The following PRICKLE1 variants were observed in gnomAD, a reference collection of about 807,000 sequenced individuals.
PRICKLE1 encodes prickle-like protein 1.
A neutral mutation model predicts 70.2 loss-of-function variants in PRICKLE1; 14 were observed. The observed-to-expected ratio is 0.20, with a 90% CI of 0.13 to 0.31. The LOEUF is 0.31. PRICKLE1 is among the 10% of genes least tolerant of loss of function. The probability of loss-of-function intolerance (pLI) is 1.00; values close to 1 mark genes in which losing one functional copy is unlikely to be tolerated. For synonymous variants in PRICKLE1, 357 were observed against 379.9 expected (o/e 0.94, Z 0.70); for missense variants, 821 against 1,026.2 (o/e 0.80, Z 2.73).
At chr12:42,532,769 C>T (rs911031494) in intron 1 of PRICKLE1, among the ~76,000 whole-genome samples, 51 of 151,822 alleles carry the variant, frequency 3.4e-4, no homozygotes, top group Admixed American at 7.9e-4. Flanking sequence ...CTGTGGCGGG[C>T]GCCTGTAGTC....
chr12:42,461,389 G>A (rs1937828439), intron 7 of PRICKLE1, among the ~76,000 whole-genome samples: 1 of 152,244 alleles, frequency 6.6e-6, no homozygotes, highest in Non-Finnish European at 1.5e-5. Flanking sequence ...TCTCCATCAT[G>A]AGCTAGTCTT....
At chr12:42,469,649 A>G in intron 3 of PRICKLE1, 62 bp from the exon 4 acceptor site, 1 of 1,607,058 alleles carries the variant, frequency 6.2e-7, no homozygotes, top group Non-Finnish European at 8.5e-7. Context: ...CCAGTTCTCT[A>G]CTTCCAGAGT....
chr12:42,460,279 G>C lies in PRICKLE1; in HGVS notation c.2026C>G (p.Arg676Gly). 2.5e-6 allele frequency: 4 copies of C among 1,614,120 alleles called. No individual in the cohort carries two copies. The highest frequency in any genetic ancestry group is 2.2e-5 in the South Asian group (2 of 91,074). The change falls in exon 8 of 8, where the codon CGG (arginine) becomes GGG (glycine). Residue 676 changes from arginine to glycine, a missense_variant. Physicochemically the swap from Arg to Gly is moderately radical, Grantham distance 125. Transcript: ENST00000345127. ...TCGGAGCGGGACTTTCTACTTCTCCGGCGGCGGTGGTGATGAGACCTGGAT... is the reference window on the plus strand; with the variant it reads ...TCGGAGCGGGACTTTCTACTTCTCCCGCGGCGGTGGTGATGAGACCTGGAT... ...RGSRSHHHRRRRSRKSRSDNA... is the reference protein window; with the variant it reads ...RGSRSHHHRRGRSRKSRSDNA...
intron 1 of PRICKLE1, among the ~76,000 whole-genome samples, chr12:42,566,557 A>G (rs1940624182): frequency 6.6e-6 from 1 of 152,216 alleles, no homozygotes; most frequent in Non-Finnish European, 1.5e-5. Flanking sequence ...GACCACAGGG[A>G]TTCTCTCAAC....
At chr12:42,574,334 T>C (rs1158799701) in intron 1 of PRICKLE1, among the ~76,000 whole-genome samples, 1 of 152,220 alleles carries the variant, frequency 6.6e-6, no homozygotes, top group Non-Finnish European at 1.5e-5. Flanking sequence ...GATAATCTTG[T>C]GTTTGAGAAA....
At chr12:42,513,804 T>C (rs887618350) in intron 1 of PRICKLE1, among the ~76,000 whole-genome samples, 1 of 152,152 alleles carries the variant, frequency 6.6e-6, no homozygotes, top group Admixed American at 6.5e-5. Context: ...GAGACCAGCC[T>C]GGCCAACATG....
intron 1 of PRICKLE1, among the ~76,000 whole-genome samples, chr12:42,494,784 G>A (rs1044547022): frequency 1.3e-5 from 2 of 148,894 alleles, no homozygotes; most frequent in Non-Finnish European, 1.5e-5. Context: ...TCCAGCCTGG[G>A]TGACAGAGTG....
At chr12:42,466,139 T>C (rs529498334) in intron 6 of PRICKLE1, 55 bp downstream of exon 6, 1 of 1,579,910 alleles carries the variant, frequency 6.3e-7, no homozygotes, top group South Asian at 1.1e-5. Context: ...GACTGGATAA[T>C]CCAAGACAGA....
chr12:42,579,008 C>T (rs537836236), intron 1 of PRICKLE1, among the ~76,000 whole-genome samples: 170 of 152,252 alleles, frequency 1.1e-3, no homozygotes, highest in South Asian at 2.5e-3. Context: ...GGTGATCTGC[C>T]CACTTCGGCC....
chr12:42,513,558 G>A (rs1939554333), intron 1 of PRICKLE1, among the ~76,000 whole-genome samples: 1 of 149,800 alleles, frequency 6.7e-6, no homozygotes, highest in Non-Finnish European at 1.5e-5. Context: ...GCAAGATGCT[G>A]TTGGGCTGGA....
intron 1 of PRICKLE1, 41 bp from the exon 2 acceptor site, chr12:42,472,605 G>T: frequency 6.5e-7 from 1 of 1,531,066 alleles, no homozygotes; most frequent in Non-Finnish European, 9.0e-7. Flanking sequence ...TCTAAAACCT[G>T]AATGCATTTC....
chr12:42,506,241 G>GTTTTTTTTTTTTTTTTTT (rs774029085), intron 1 of PRICKLE1, among the ~76,000 whole-genome samples: 1 of 122,098 alleles, frequency 8.2e-6, no homozygotes, highest in African/African-American at 3.6e-5. Flanking sequence ...AGTAAAAAAT[G>GTTTTTTTTTTTTTTTTTT]TTCTTTTTTC....
In PRICKLE1 at chr12:42,477,526, A is replaced by G. The variant is rs1197465844; in HGVS notation, c.-48-4962T>C. Among the ~76,000 whole-genome samples, 608 of 75,982 alleles carry G rather than the reference A, an allele frequency of 8.0e-3. 10 individuals are homozygous for G. The highest frequency in any genetic ancestry group is 0.029 in the Middle Eastern group (3 of 102). The allele number at this position is 75,982 out of a possible 152,430, so 49.8% of individuals were successfully genotyped here. The stretch of plus-strand genomic sequence containing the variant: ...TATATATATATATATATATATATAT[A>G]TATATATGACCTCACAAATAACCCT... On this transcript the variant is annotated intron_variant, in intron 1 of 7. Transcript: ENST00000345127.
At chr12:42,568,260 T>C (rs1036326068) in intron 1 of PRICKLE1, among the ~76,000 whole-genome samples, 8 of 152,240 alleles carry the variant, frequency 5.3e-5, no homozygotes, top group African/African-American at 1.9e-4. Flanking sequence ...CTGCAGCCTC[T>C]GCCTTTCAGG....
intron 1 of PRICKLE1, among the ~76,000 whole-genome samples, chr12:42,549,144 A>AT (rs72521451): frequency 2.0e-5 from 3 of 148,698 alleles, no homozygotes; most frequent in Non-Finnish European, 4.5e-5. Flanking sequence ...AAAAAAAAAA[A>AT]CCTAGATAAA....
At chr12:42,469,725 GAC>G in intron 3 of PRICKLE1, 138 bp from the exon 4 acceptor site, 1 of 1,042,736 alleles carries the variant, frequency 9.6e-7, no homozygotes, top group Non-Finnish European at 1.4e-6. Flanking sequence ...ATTTTAAAAT[GAC>G]ACCATATCTG....
intron 1 of PRICKLE1, among the ~76,000 whole-genome samples, chr12:42,535,630 C>A (rs1396929426): frequency 6.6e-6 from 1 of 152,086 alleles, no homozygotes; most frequent in Non-Finnish European, 1.5e-5. Flanking sequence ...CTCTGAAATG[C>A]AGGTGCAAGC....
At chr12:42,501,052 G>A (rs1294590349) in intron 1 of PRICKLE1, among the ~76,000 whole-genome samples, 1 of 152,198 alleles carries the variant, frequency 6.6e-6, no homozygotes, top group Admixed American at 6.5e-5. Context: ...GGAAAAGTGG[G>A]TTTGGTGGGA....
intron 1 of PRICKLE1, among the ~76,000 whole-genome samples, chr12:42,506,756 AG>A (rs1248565821): frequency 6.6e-6 from 1 of 151,286 alleles, no homozygotes; most frequent in Admixed American, 6.6e-5. Flanking sequence ...TATTTTTAGT[AG>A]AGACGGTGTT....
Sources: gnomAD v4.1 joint callset for allele counts (sites outside exome capture counted in the v4.1 genomes callset) on GRCh38, gnomAD v4.1.1 for gene constraint, MANE v1.5 for transcripts, NCBI Gene and HGNC (gene_info 2026-07-23, HGNC 2026-07-21) for gene names.